Variants in KCNH5 observed in about 807,000 individuals in gnomAD.
The protein encoded by KCNH5 is voltage-gated delayed rectifier potassium channel KCNH5.
A neutral mutation model predicts 96.1 loss-of-function variants in KCNH5; 46 were observed. The ratio of observed to expected loss-of-function variants is 0.48; its 90% CI spans 0.38 to 0.61. The LOEUF (loss-of-function observed/expected upper bound fraction) is 0.61. Among genes scored for constraint, KCNH5 ranks in the 20% least tolerant of loss-of-function variants. The probability of loss-of-function intolerance (pLI) is 0.00; values close to 1 mark genes in which losing one functional copy is unlikely to be tolerated. For synonymous variants in KCNH5, 439 were observed against 449.8 expected, an observed-to-expected ratio of 0.98 and a Z score of 0.30; for missense variants, 907 against 1,225.8, an observed-to-expected ratio of 0.74 and a Z score of 3.88.
At chr14:62,873,673 A>G (rs1168486883) in intron 7 of KCNH5, among the ~76,000 whole-genome samples, 1 of 152,260 alleles carries the variant, frequency 6.6e-6, no homozygotes, top group African/African-American at 2.4e-5. Context: ...GAAGAAAATA[A>G]TACAATTCCC....
chr14:62,767,685 G>A (rs1430090872), intron 10 of KCNH5, among the ~76,000 whole-genome samples: 4 of 152,176 alleles, frequency 2.6e-5, no homozygotes, highest in South Asian at 4.1e-4. Flanking sequence ...GGTGGAGGAT[G>A]AGGTTTGTAA....
intron 9 of KCNH5, among the ~76,000 whole-genome samples, chr14:62,801,449 A>G (rs1886658162): frequency 6.7e-6 from 1 of 149,858 alleles, no homozygotes; most frequent in African/African-American, 2.4e-5. Context: ...GGATTTCAGG[A>G]AACTGCTGCA....
chr14:63,018,909 A>G (rs975093520), intron 1 of KCNH5, among the ~76,000 whole-genome samples: 11 of 152,112 alleles, frequency 7.2e-5, no homozygotes, highest in African/African-American at 2.7e-4. Flanking sequence ...AGGTAAACAC[A>G]GAAATAATGC....
chr14:62,946,192 G>T (rs1318054466), intron 7 of KCNH5, among the ~76,000 whole-genome samples: 1 of 152,018 alleles, frequency 6.6e-6, no homozygotes, highest in Non-Finnish European at 1.5e-5. Flanking sequence ...AACCCTACAG[G>T]CCATGTTATT....
chr14:62,869,461 A>T (rs1888205917), intron 7 of KCNH5, among the ~76,000 whole-genome samples: 1 of 151,262 alleles, frequency 6.6e-6, no homozygotes, highest in Non-Finnish European at 1.5e-5. Flanking sequence ...GATTGCAAAA[A>T]TTTTCTCCCA....
rs146477549 is a variant in KCNH5, at chr14:62,743,810, G to A, written c.2020-35355C>T. Among the ~76,000 whole-genome samples the A allele has an allele frequency of 6.0e-3, 914 of 152,216 alleles. 6 individuals carry two copies. The highest frequency in any genetic ancestry group is 0.021 in the African/African-American group (869 of 41,532). Reference sequence around the variant, plus strand: ...AATCTGGGCAGTTTCATTCTCTAGGGACTGTGGAAGTCCCAGAAATTTGCT... The same window carrying A: ...AATCTGGGCAGTTTCATTCTCTAGGAACTGTGGAAGTCCCAGAAATTTGCT... On this transcript the variant is annotated intron_variant, in intron 10 of 10. Transcript: ENST00000322893.
In KCNH5 at chr14:62,708,136, T is replaced by C. The variant is rs1387899104; in HGVS notation, c.2339A>G (p.Asp780Gly). The change falls in exon 11 of 11, where the codon GAT becomes GGT. Residue 780 changes from aspartate (D) to glycine (G), a missense_variant. Coordinates refer to ENST00000322893, the MANE Select transcript of KCNH5 (RefSeq NM_139318.5). ...TSESLKQNNR[D>G]AMELKPNGGA... Reference sequence around the variant, plus strand: ...GCCGTTGGGCTTGAGTTCCATGGCATCACGGTTGTTCTGCTTAAGGGATTC... The same window carrying C: ...GCCGTTGGGCTTGAGTTCCATGGCACCACGGTTGTTCTGCTTAAGGGATTC... 1 of 1,614,264 alleles carries C rather than the reference T, an allele frequency of 6.2e-7. No homozygotes were observed. Among genetic ancestry groups the C allele is most frequent in the South Asian group, 1.1e-5 (1 of 91,088 alleles).
rs182128903 is a variant in KCNH5 at position 62,737,249 on chromosome 14, G to A, written c.2020-28794C>T. ...CTCAACAAGGACTTCATTTTTTGTT[G>A]GCTTTGTTTACTGATGCACCCTAAA... is the stretch of plus-strand genomic sequence containing the variant. On this transcript the variant is annotated intron_variant, in intron 10 of 10. Transcript: ENST00000322893. Among the ~76,000 whole-genome samples, 6 of 152,062 alleles carry A rather than the reference G, an allele frequency of 3.9e-5. No homozygotes were observed. In the East Asian group the frequency reaches 9.7e-4, roughly 24 times the overall value.
Position 62,790,021 on chromosome 14 carries a change from G to C in KCNH5, c.1823-10097C>G, listed in dbSNP as rs1359323243. 2.0e-5 allele frequency among the ~76,000 whole-genome samples: 3 copies of C among 150,294 alleles called. No homozygotes were observed. The East Asian group carries it at 5.8e-4, about 29-fold the overall frequency. ...TTTTCCTGTATGTTCTCATCAACGT[G>C]TTTTATGGTTTCAGGTCTCACAGGC... is the stretch of plus-strand genomic sequence containing the variant. On this transcript the variant is annotated intron_variant, in intron 9 of 10. Coordinates refer to ENST00000322893, the MANE Select transcript of KCNH5 (RefSeq NM_139318.5).
chr14:62,987,161 G>T lies in KCNH5; in HGVS notation c.460C>A (p.Arg154=). Residue 154 remains arginine (R), a synonymous_variant, in exon 5 of 11, where the codon CGG becomes AGG. Transcript: ENST00000322893. ...KGWTKFARLT[R]ALTNSRSVLQ... Reference sequence around the variant, plus strand: ...ACACTTCGGCTATTTGTCAAAGCCCGTGTCAATCGGGCAAATTTCGTCCAA... The same window carrying T: ...ACACTTCGGCTATTTGTCAAAGCCCTTGTCAATCGGGCAAATTTCGTCCAA... 2 of 1,613,410 alleles carry T rather than the reference G, an allele frequency of 1.2e-6. No homozygotes were observed. The highest frequency in any genetic ancestry group is 1.7e-6 in the Non-Finnish European group (2 of 1,179,544).
intron 7 of KCNH5, among the ~76,000 whole-genome samples, chr14:62,919,653 T>C (rs1048893924): frequency 6.6e-6 from 1 of 152,136 alleles, no homozygotes; most frequent in Non-Finnish European, 1.5e-5. Flanking sequence ...TCAATGTCTT[T>C]AAAGCTCTTA....
At chr14:62,943,754 C>T (rs1268953895) in intron 7 of KCNH5, among the ~76,000 whole-genome samples, 1 of 152,098 alleles carries the variant, frequency 6.6e-6, no homozygotes, top group Non-Finnish European at 1.5e-5. Flanking sequence ...GGAGTAATGG[C>T]TGCCACCAGA....
chr14:62,723,457 T>C (rs1221274313), intron 10 of KCNH5, among the ~76,000 whole-genome samples: 1 of 152,172 alleles, frequency 6.6e-6, no homozygotes, highest in Non-Finnish European at 1.5e-5. Flanking sequence ...TAAAATAACA[T>C]ATTTTGGGGG....
intron 7 of KCNH5, 138 bp from the exon 8 acceptor site, chr14:62,849,990 A>C (rs1887772728): frequency 1.5e-6 from 1 of 657,440 alleles, no homozygotes; most frequent in African/African-American, 1.8e-5. Flanking sequence ...CTCTGAGAAG[A>C]CTGCCTGACA....
intron 10 of KCNH5, among the ~76,000 whole-genome samples, chr14:62,778,698 T>C (rs1408574685): frequency 6.6e-6 from 1 of 152,246 alleles, no homozygotes; most frequent in Admixed American, 6.5e-5. Flanking sequence ...TCTACAGCTA[T>C]TCATTCTTTC....
chr14:62,841,318 G>T (rs1887580451), intron 8 of KCNH5, among the ~76,000 whole-genome samples: 1 of 152,060 alleles, frequency 6.6e-6, no homozygotes. Context: ...GAAGCATTAT[G>T]GTCTCATTTA....
At chr14:62,911,801 G>A (rs1426668539) in intron 7 of KCNH5, among the ~76,000 whole-genome samples, 2 of 151,556 alleles carry the variant, frequency 1.3e-5, no homozygotes, top group Admixed American at 6.6e-5. Flanking sequence ...CTTTAGGAGG[G>A]AGGCAGGTGG....
At chr14:62,911,521 A>G (rs898178470) in intron 7 of KCNH5, among the ~76,000 whole-genome samples, 14 of 152,102 alleles carry the variant, frequency 9.2e-5, no homozygotes, top group Non-Finnish European at 2.1e-4. Flanking sequence ...GAATAGACAA[A>G]GCCTGGAATT....
chr14:63,025,560 T>C (rs1414380976), intron 1 of KCNH5, among the ~76,000 whole-genome samples: 1 of 150,922 alleles, frequency 6.6e-6, no homozygotes, highest in African/African-American at 2.4e-5. Flanking sequence ...GAAAAACAGT[T>C]CTATAACAAC....
Sources: gnomAD v4.1 joint callset for allele counts (sites outside exome capture counted in the v4.1 genomes callset) on GRCh38, gnomAD v4.1.1 for gene constraint, MANE v1.5 for transcripts, NCBI Gene and HGNC (gene_info 2026-07-23, HGNC 2026-07-21) for gene names.